GSDME: variants seen among roughly 807,000 people sequenced by gnomAD.
GSDME encodes gasdermin-E.
Under a neutral mutation model 47.5 loss-of-function variants are expected in GSDME, and 44 were observed. The ratio of observed to expected loss-of-function variants is 0.93; its 90% CI spans 0.73 to 1.19. The LOEUF is 1.19. Among genes scored for constraint, GSDME ranks in the 50% most tolerant of loss-of-function variants. The pLI, the probability that GSDME is intolerant of heterozygous loss-of-function variation, is 0.00. For missense variants in GSDME, 663 were observed against 604.2 expected (o/e 1.10, Z -1.02); for synonymous variants, 258 against 252.8 (o/e 1.02, Z -0.20).
At chr7:24,766,204 T>TGA in the GSDME span, among the ~76,000 whole-genome samples, 2 of 148,988 alleles carry the variant, frequency 1.3e-5, no homozygotes, top group African/African-American at 4.9e-5. This position sits in a 1 kb window ranked among gnomAD's most constrained non-coding sequence, Gnocchi z 4.2. Flanking sequence ...TGTGTGTGTG[T>TGA]GTGTGTGTGT....
At position 24,702,773 on chromosome 7, in the gene GSDME, G is replaced by T. The variant is rs775797918; in HGVS notation, c.1244C>A (p.Thr415Lys). The change falls in exon 9 of 10, where the codon ACA (threonine) becomes AAA (lysine). Residue 415 changes from threonine (T) to lysine (K), a missense_variant. By Grantham distance (78) the Thr-to-Lys change is moderately conservative. Transcript: ENST00000645220. ...GAGGTTGCTTACCAAGTGGCACAGT[G>T]TGGGAATGATCTGGAGTTTGCAGCA... ...GTCCKLQIIP[T>K]LCHLLRALSD... 1.9e-6 allele frequency: 3 copies of T among 1,613,318 alleles called. No individual in the cohort carries two copies. Among genetic ancestry groups the T allele is most frequent in the African/African-American group, 2.7e-5 (2 of 74,918 alleles).
rs779821299 is a variant in GSDME at position 24,754,101 on chromosome 7, G to A, written c.-20+3295C>T. On this transcript the variant is annotated intron_variant, in intron 1 of 9. Coordinates refer to ENST00000645220, the MANE Select transcript of GSDME (RefSeq NM_001127453.2). This position sits in a 1 kb window ranked among gnomAD's most constrained non-coding sequence, Gnocchi z 5.0. ...TTGGGAGAAGATGAAAATGGCCTCAGGAGGCATCATGCTCAAATAGCTCAT... is the reference window on the plus strand; with the variant it reads ...TTGGGAGAAGATGAAAATGGCCTCAAGAGGCATCATGCTCAAATAGCTCAT... Among the ~76,000 whole-genome samples, 1 of 152,224 alleles carries A rather than the reference G, an allele frequency of 6.6e-6. No individual in the cohort carries two copies. The highest frequency in any genetic ancestry group is 2.4e-5 in the African/African-American group (1 of 41,454).
At chr7:24,771,730 G>A in the GSDME span, among the ~76,000 whole-genome samples, 1 of 152,178 alleles carries the variant, frequency 6.6e-6, no homozygotes, top group African/African-American at 2.4e-5. The surrounding 1 kb of genome is among the most constrained non-coding windows in gnomAD (Gnocchi z 4.1). Context: ...ACACTCACTT[G>A]ATGTGAAAAG....
Position 24,742,873 on chromosome 7 carries a change from T to C in GSDME, c.404+1689A>G, listed in dbSNP as rs2128062383. ...TTCTAGTGTGTCCCAACAATTGCAGTTGAGAAGGAAAATGGGACTCTAGCA... is the reference window on the plus strand; with the variant it reads ...TTCTAGTGTGTCCCAACAATTGCAGCTGAGAAGGAAAATGGGACTCTAGCA... On this transcript the variant is annotated intron_variant, in intron 3 of 9. Coordinates refer to ENST00000645220, the MANE Select transcript of GSDME (RefSeq NM_001127453.2). This position sits in a 1 kb window ranked among gnomAD's most constrained non-coding sequence, Gnocchi z 4.4. Among the ~76,000 whole-genome samples the C allele has an allele frequency of 6.6e-6, 1 of 152,232 alleles. No homozygotes were observed. The highest frequency in any genetic ancestry group is 1.9e-4 in the East Asian group (1 of 5,190).
chr7:24,762,414 G>A (rs1791180855), upstream of GSDME, among the ~76,000 whole-genome samples: 1 of 152,118 alleles, frequency 6.6e-6, no homozygotes, highest in Non-Finnish European at 1.5e-5. Flanking sequence ...CCAATTTACA[G>A]AAATATTCAA....
At chr7:24,702,018 T>C (rs989271946) in intron 9 of GSDME, among the ~76,000 whole-genome samples, 2 of 152,214 alleles carry the variant, frequency 1.3e-5, no homozygotes, top group African/African-American at 2.4e-5. Flanking sequence ...TGGGCCAACA[T>C]AGCAGGTTGG....
intron 1 of GSDME, among the ~76,000 whole-genome samples, chr7:24,752,811 A>G (rs1383743110): frequency 2.0e-5 from 3 of 152,180 alleles, no homozygotes; most frequent in Non-Finnish European, 2.9e-5. Flanking sequence ...GCTGAAAGGG[A>G]GTTCACTCAC....
the GSDME span, among the ~76,000 whole-genome samples, chr7:24,795,001 A>G: frequency 3.0e-4 from 46 of 152,304 alleles, no homozygotes; most frequent in Middle Eastern, 3.4e-3. Context: ...AATCAAAACC[A>G]AAACCAAGGT....
rs1378884107 is a variant in GSDME, at chr7:24,744,937, T to TGC, written c.212-184_212-183insGC. 7.1e-6 allele frequency among the ~76,000 whole-genome samples: 1 copy of TGC among 140,912 alleles called. No individual in the cohort carries two copies. The highest frequency in any genetic ancestry group is 3.0e-5 in the African/African-American group (1 of 33,120). The allele number at this position is 140,912 out of a possible 152,430, so 92.4% of individuals were successfully genotyped here. A position where few individuals can be genotyped will look rare whatever the true frequency, so the allele number is the denominator to read the frequency against. On this transcript the variant is annotated intron_variant, in intron 2 of 9. Coordinates refer to ENST00000645220, the MANE Select transcript of GSDME (RefSeq NM_001127453.2). This position sits in a 1 kb window ranked among gnomAD's most constrained non-coding sequence, Gnocchi z 4.5. ...ACAGGGCAGCACGTGTGTGTGTGTG[T>TGC]GTGTGTGTGTGTGTGGACCGCGGGC...
intron 3 of GSDME, among the ~76,000 whole-genome samples, chr7:24,720,894 C>T (rs974247632): frequency 2.2e-4 from 32 of 145,110 alleles, no homozygotes; most frequent in Non-Finnish European, 4.0e-4. Context: ...GCAACAAGAG[C>T]GAAACTCCGT....
At chr7:24,774,526 A>T in the GSDME span, among the ~76,000 whole-genome samples, 213 of 151,730 alleles carry the variant, frequency 1.4e-3, no homozygotes, top group African/African-American at 5.0e-3. Flanking sequence ...AAATTTTTTT[A>T]AATTAATTAT....
In GSDME at chr7:24,706,382, G is replaced by A; in HGVS notation, c.991-6C>T. 6.2e-7 allele frequency: 1 copy of A among 1,611,720 alleles called. No homozygotes were observed. Among genetic ancestry groups the A allele is most frequent in the Non-Finnish European group, 8.5e-7 (1 of 1,179,640 alleles). On this transcript the variant is annotated splice_region_variant and splice_polypyrimidine_tract_variant and intron_variant, in intron 7 of 9. Coordinates refer to ENST00000645220, the MANE Select transcript of GSDME (RefSeq NM_001127453.2). Reference sequence around the variant, plus strand: ...CCGCTGACCAGGTCATCGCACTGTAGGGCAGGGAAGAAGAAGGGTCATGAC... The same window carrying A: ...CCGCTGACCAGGTCATCGCACTGTAAGGCAGGGAAGAAGAAGGGTCATGAC...
At chr7:24,731,060 G>T (rs1790128001) in intron 3 of GSDME, among the ~76,000 whole-genome samples, 1 of 152,182 alleles carries the variant, frequency 6.6e-6, no homozygotes, top group Non-Finnish European at 1.5e-5. Context: ...ATTTCAGATA[G>T]CACAGAATTT....
chr7:24,710,154 ACAC>A, intron 6 of GSDME, 67 bp downstream of exon 6: 1 of 1,546,796 alleles, frequency 6.5e-7, no homozygotes, highest in Non-Finnish European at 8.9e-7. Flanking sequence ...GCTGAAGGCC[ACAC>A]CACCTCTTGG....
the GSDME span, among the ~76,000 whole-genome samples, chr7:24,794,664 C>G: frequency 6.6e-6 from 1 of 152,160 alleles, no homozygotes; most frequent in Admixed American, 6.5e-5. Flanking sequence ...CTTAAACTTT[C>G]CAGGTGTCAT....
intron 4 of GSDME, among the ~76,000 whole-genome samples, chr7:24,718,629 A>G (rs1544366): frequency 0.64 from 97,282 of 152,124 alleles, 33,889 homozygotes; most frequent in East Asian, 0.99. Flanking sequence ...ACGCCAGCCC[A>G]CCTGGCCCAT....
At chr7:24,738,966 T>C (rs1200880070) in intron 3 of GSDME, among the ~76,000 whole-genome samples, 3 of 152,182 alleles carry the variant, frequency 2.0e-5, no homozygotes, top group African/African-American at 7.2e-5. Context: ...TCTCTCACCA[T>C]ATACAAAAAC....
At chr7:24,788,909 A>T in the GSDME span, among the ~76,000 whole-genome samples, 1 of 152,218 alleles carries the variant, frequency 6.6e-6, no homozygotes, top group African/African-American at 2.4e-5. The surrounding 1 kb of genome is among the most constrained non-coding windows in gnomAD (Gnocchi z 4.6). Context: ...ATTGGCAATA[A>T]TTTCATTATG....
At chr7:24,704,738 C>T (rs1789024523) in intron 8 of GSDME, 1 of 150,204 alleles carries the variant, frequency 6.7e-6, no homozygotes, top group African/African-American at 2.4e-5. Flanking sequence ...TTTTTTTTTC[C>T]AAGCTGGACT....
Sources: gnomAD v4.1 joint callset for allele counts (sites outside exome capture counted in the v4.1 genomes callset) on GRCh38, gnomAD v4.1.1 for gene constraint, Gnocchi (gnomAD v3.1) non-coding constraint, MANE v1.5 for transcripts, NCBI Gene and HGNC (gene_info 2026-07-23, HGNC 2026-07-21) for gene names.